EPHA3: variants seen among roughly 807,000 people sequenced by gnomAD.
The protein encoded by EPHA3 is EPH receptor A3.
In EPHA3, 42 loss-of-function variants were observed where a neutral mutation model predicts 107.1. The observed-to-expected ratio is 0.39, with a 90% CI of 0.31 to 0.51. The LOEUF (loss-of-function observed/expected upper bound fraction) is 0.51, where lower values mean the gene tolerates loss of function less well. EPHA3 is among the 20% of genes least tolerant of loss of function. EPHA3 has a pLI of 0.78. For synonymous variants in EPHA3, 461 were observed against 424.8 expected, an observed-to-expected ratio of 1.09 and a Z score of -1.05; for missense variants, 1,183 against 1,211.2, an observed-to-expected ratio of 0.98 and a Z score of 0.35.
intron 3 of EPHA3, among the ~76,000 whole-genome samples, chr3:89,306,246 G>A (rs1706618764): frequency 6.6e-6 from 1 of 152,088 alleles, no homozygotes; most frequent in African/African-American, 2.4e-5. Flanking sequence ...AACGTATATA[G>A]CTTGTAAATA....
At chr3:89,194,116 C>A (rs1003162361) in intron 2 of EPHA3, among the ~76,000 whole-genome samples, 1 of 151,852 alleles carries the variant, frequency 6.6e-6, no homozygotes, top group Non-Finnish European at 1.5e-5. Context: ...TTAGTCCATT[C>A]CCAAATATTC....
chr3:89,166,536 A>G (rs9310110), intron 2 of EPHA3, among the ~76,000 whole-genome samples: 19,153 of 152,224 alleles, frequency 0.13, 1,182 homozygotes, highest in Admixed American at 0.15. Context: ...ATTCAAACGT[A>G]TAAAAACAAC....
rs1449579988 is a variant in EPHA3 at position 89,397,932 on chromosome 3, T to C, written c.1432-1386T>C. Among the ~76,000 whole-genome samples, 3 of 152,208 alleles carry C rather than the reference T, an allele frequency of 2.0e-5. No individual in the cohort carries two copies. In the East Asian group the frequency reaches 5.8e-4, roughly 29 times the overall value. The stretch of plus-strand genomic sequence containing the variant: ...TTGCAGGAAAAAATGGTCAAATCTA[T>C]TGATTATTCCCTAAGTATTTTTTGA... On this transcript the variant is annotated intron_variant, in intron 6 of 16. Transcript: ENST00000336596.
chr3:89,305,596 A>G (rs1479328294), intron 3 of EPHA3, among the ~76,000 whole-genome samples: 2 of 152,124 alleles, frequency 1.3e-5, no homozygotes, highest in Non-Finnish European at 2.9e-5. Flanking sequence ...TACCTCTAAA[A>G]TTCAGTCATT....
intron 3 of EPHA3, among the ~76,000 whole-genome samples, chr3:89,274,157 T>C (rs1487181175): frequency 1.3e-5 from 2 of 148,628 alleles, no homozygotes; most frequent in African/African-American, 5.1e-5. Context: ...ATATGTGAAT[T>C]TGCAAATACA....
chr3:89,235,075 C>T (rs1193320511), intron 3 of EPHA3, among the ~76,000 whole-genome samples: 1 of 103,836 alleles, frequency 9.6e-6, no homozygotes, highest in Non-Finnish European at 1.9e-5. Context: ...CTTTATTTCT[C>T]TTTTTTGTCT....
intron 3 of EPHA3, among the ~76,000 whole-genome samples, chr3:89,331,595 C>T (rs943985394): frequency 1.3e-5 from 2 of 152,124 alleles, no homozygotes; most frequent in African/African-American, 4.8e-5. Flanking sequence ...TTCCTACATT[C>T]ATGTACAATA....
intron 8 of EPHA3, among the ~76,000 whole-genome samples, 160 bp downstream of exon 8, chr3:89,407,531 T>C (rs1383265011): frequency 6.6e-6 from 1 of 152,134 alleles, no homozygotes; most frequent in Non-Finnish European, 1.5e-5. Context: ...CTTTTCTTTG[T>C]TTCTCCATCC....
At chr3:89,141,196 T>C (rs996924827) in intron 2 of EPHA3, among the ~76,000 whole-genome samples, 4 of 151,562 alleles carry the variant, frequency 2.6e-5, no homozygotes, top group African/African-American at 7.3e-5. Context: ...AAAAGACCAA[T>C]ACAGAGCCTC....
chr3:89,234,998 CTCTTT>C (rs1302100219), intron 3 of EPHA3, among the ~76,000 whole-genome samples: 19 of 118,926 alleles, frequency 1.6e-4, no homozygotes, highest in African/African-American at 6.2e-4. Flanking sequence ...TTTCTTTTTT[CTCTTT>C]TCTTTTCTTT....
intron 5 of EPHA3, among the ~76,000 whole-genome samples, chr3:89,351,359 G>A (rs1430153029): frequency 5.3e-5 from 8 of 151,082 alleles, no homozygotes; most frequent in African/African-American, 1.7e-4. Context: ...CGCAATATTC[G>A]GGTGGGAGTG....
chr3:89,386,509 T>C (rs1306209300), intron 5 of EPHA3, among the ~76,000 whole-genome samples: 7 of 152,178 alleles, frequency 4.6e-5, no homozygotes, highest in African/African-American at 1.4e-4. Context: ...TCCACCTATA[T>C]TTCAGAGGAT....
At chr3:89,259,698 T>G (rs1705370491) in intron 3 of EPHA3, among the ~76,000 whole-genome samples, 1 of 152,216 alleles carries the variant, frequency 6.6e-6, no homozygotes, top group Admixed American at 6.5e-5. Flanking sequence ...AGCTAACATC[T>G]ACTTATTTAA....
chr3:89,361,405 A>C (rs941621148), intron 5 of EPHA3, among the ~76,000 whole-genome samples: 2 of 150,964 alleles, frequency 1.3e-5, no homozygotes, highest in Non-Finnish European at 3.0e-5. Context: ...CCTTATAAAA[A>C]GGGCTAGAAA....
chr3:89,274,595 T>A (rs1313180934), intron 3 of EPHA3, among the ~76,000 whole-genome samples: 3 of 152,008 alleles, frequency 2.0e-5, no homozygotes, highest in Non-Finnish European at 4.4e-5. Context: ...CAAATATGTT[T>A]AAAAGAGATA....
chr3:89,133,159 A>G (rs1451958475), intron 2 of EPHA3, among the ~76,000 whole-genome samples: 1 of 152,172 alleles, frequency 6.6e-6, no homozygotes, highest in Non-Finnish European at 1.5e-5. Context: ...CTCAGTCTAC[A>G]CTTGAGGTCT....
intron 3 of EPHA3, among the ~76,000 whole-genome samples, chr3:89,288,591 G>A (rs906514368): frequency 6.6e-6 from 1 of 152,112 alleles, no homozygotes; most frequent in African/African-American, 2.4e-5. Context: ...TTCTATGTGA[G>A]TGGAAAAGGG....
chr3:89,195,661 T>G (rs1705821640), intron 2 of EPHA3, among the ~76,000 whole-genome samples: 1 of 152,162 alleles, frequency 6.6e-6, no homozygotes, highest in South Asian at 2.1e-4. Context: ...TATTTGCTTA[T>G]TCAATGAGTG....
At chr3:89,399,145 C>T (rs547676256) in intron 6 of EPHA3, among the ~76,000 whole-genome samples, 173 bp from the exon 7 acceptor site, 31 of 151,674 alleles carry the variant, frequency 2.0e-4, no homozygotes, top group African/African-American at 3.6e-4. Flanking sequence ...AAAAAAATGC[C>T]TAAGTTGCGT....
Sources: gnomAD v4.1 joint callset for allele counts (sites outside exome capture counted in the v4.1 genomes callset) on GRCh38, gnomAD v4.1.1 for gene constraint, MANE v1.5 for transcripts, NCBI Gene and HGNC (gene_info 2026-07-23, HGNC 2026-07-21) for gene names.